The following LRRFIP1 variants were observed in gnomAD, a reference collection of about 807,000 sequenced individuals.
LRRFIP1 encodes LRR binding FLII interacting protein 1.
A neutral mutation model predicts 104.4 loss-of-function variants in LRRFIP1; 62 were observed. That is an observed-to-expected ratio of 0.59 (90% CI 0.48 to 0.73). The LOEUF (loss-of-function observed/expected upper bound fraction) is 0.73. Among genes scored for constraint, LRRFIP1 ranks in the 30% least tolerant of loss-of-function variants. The pLI, the probability that LRRFIP1 is intolerant of heterozygous loss-of-function variation, is 0.00. For missense variants in LRRFIP1, 796 were observed against 824.5 expected (o/e 0.97, Z 0.42); for synonymous variants, 300 against 299.0 (o/e 1.00, Z -0.03).
chr2:237,734,307 A>G (rs2095156812), intron 9 of LRRFIP1, among the ~76,000 whole-genome samples: 1 of 132,426 alleles, frequency 7.6e-6, no homozygotes, highest in South Asian at 2.4e-4. Context: ...TGGAGACAGA[A>G]TCTCCCTCTG....
chr2:237,627,691 G>A lies in LRRFIP1; in HGVS notation c.47G>A (p.Arg16Gln). 2 of 1,371,324 alleles carry A rather than the reference G, an allele frequency of 1.5e-6. No individual in the cohort carries two copies. The highest frequency in any genetic ancestry group is 1.5e-5 in the African/African-American group (1 of 66,196). The allele number at this position is 1,371,324 out of a possible 1,614,324, so 84.9% of individuals were successfully genotyped here. A position where few individuals can be genotyped will look rare whatever the true frequency, so the allele number is the denominator to read the frequency against. The change falls in exon 1 of 24, where the codon CGG becomes CAG. Residue 16 changes from arginine to glutamine, a missense_variant. Arg to Gln is a conservative substitution (Grantham distance 43). Transcript: ENST00000308482. ...TCGGGGCGCAAGCGGCTCCCCAACC[G>A]GGAGCGGCTCACGGCGGAGGACGAC... ...QGSGRKRLPNRERLTAEDDAL... is the reference protein window; with the variant it reads ...QGSGRKRLPNQERLTAEDDAL...
chr2:237,768,998 G>T (rs934159564), intron 19 of LRRFIP1: 1 of 152,288 alleles, frequency 6.6e-6, no homozygotes, highest in Non-Finnish European at 1.5e-5. Context: ...TCCCGTGGCT[G>T]GGCCGCAAGG....
intron 6 of LRRFIP1, 182 bp downstream of exon 6, chr2:237,721,004 A>G (rs1399783246): frequency 3.5e-6 from 2 of 579,554 alleles, no homozygotes; most frequent in Non-Finnish European, 6.3e-6. Context: ...CTGTAGAGAG[A>G]TGATTTATAT....
chr2:237,713,429 G>A (rs367819517), intron 2 of LRRFIP1, among the ~76,000 whole-genome samples: 1 of 152,332 alleles, frequency 6.6e-6, no homozygotes, highest in East Asian at 1.9e-4. Flanking sequence ...AACCTACACT[G>A]ATAGAAGAAA....
chr2:237,746,961 G>A (rs1027628162), intron 11 of LRRFIP1, among the ~76,000 whole-genome samples: 1 of 152,262 alleles, frequency 6.6e-6, no homozygotes, highest in Non-Finnish European at 1.5e-5. Context: ...CCTGAGGGAT[G>A]TGGCCTCTCT....
chr2:237,637,021 A>G (rs2083213468), intron 1 of LRRFIP1, among the ~76,000 whole-genome samples: 1 of 152,204 alleles, frequency 6.6e-6, no homozygotes, highest in East Asian at 1.9e-4. Flanking sequence ...GACATACACC[A>G]GGGAAGAACG....
At chr2:237,684,272 GAC>G (rs2092140911) in intron 1 of LRRFIP1, 2 of 148,796 alleles carry the variant, frequency 1.3e-5, no homozygotes, top group Non-Finnish European at 3.0e-5. Context: ...AGGAATTCAA[GAC>G]CAGCCTGGCC....
At chr2:237,762,080 A>G (rs980617537) in intron 19 of LRRFIP1, among the ~76,000 whole-genome samples, 75 of 152,356 alleles carry the variant, frequency 4.9e-4, no homozygotes, top group African/African-American at 1.7e-3. Context: ...TTTCAAAAGC[A>G]TCTTCCTTGA....
intron 1 of LRRFIP1, among the ~76,000 whole-genome samples, chr2:237,628,995 A>G (rs1163729338): frequency 1.3e-5 from 2 of 152,170 alleles, no homozygotes; most frequent in Non-Finnish European, 2.9e-5. Flanking sequence ...CAGCCCTCTC[A>G]CATCGCACCA....
intron 19 of LRRFIP1, 28 bp from the exon 20 acceptor site, chr2:237,769,915 T>C (rs2060478951): frequency 6.4e-7 from 1 of 1,574,162 alleles, no homozygotes; most frequent in African/African-American, 1.3e-5. Context: ...CGGATTCACC[T>C]AAACCTGTGT....
chr2:237,748,467 G>C, intron 12 of LRRFIP1, 68 bp downstream of exon 12: 2 of 1,421,460 alleles, frequency 1.4e-6, no homozygotes, highest in Non-Finnish European at 1.9e-6. Context: ...AAAATATGTT[G>C]CTTGGTTTTT....
At chr2:237,773,748 TC>T (rs1317657027) in intron 22 of LRRFIP1, 1 of 152,418 alleles carries the variant, frequency 6.6e-6, no homozygotes, top group African/African-American at 2.4e-5. Context: ...CAGGACTGTT[TC>T]CCCCTCCATT....
chr2:237,750,767 C>T (rs1191357021), intron 13 of LRRFIP1, among the ~76,000 whole-genome samples: 1 of 152,108 alleles, frequency 6.6e-6, no homozygotes, highest in Non-Finnish European at 1.5e-5. Context: ...ATGCTGTCCC[C>T]GGCACCAGGA....
intron 1 of LRRFIP1, among the ~76,000 whole-genome samples, chr2:237,706,699 C>T (rs1424574875): frequency 6.6e-6 from 1 of 152,236 alleles, no homozygotes; most frequent in Non-Finnish European, 1.5e-5. Flanking sequence ...ACAATCACAG[C>T]TCACTACAGC....
chr2:237,692,539 C>T (rs2092879385), intron 1 of LRRFIP1: 1 of 1,502,148 alleles, frequency 6.7e-7, no homozygotes, highest in Admixed American at 2.2e-5. Flanking sequence ...GAAAGCGCTT[C>T]CGAAACTTTC....
chr2:237,668,396 C>T (rs992042913), intron 1 of LRRFIP1, among the ~76,000 whole-genome samples: 1 of 152,172 alleles, frequency 6.6e-6, no homozygotes. Context: ...TAAAGTCTGC[C>T]TTACCATCTT....
intron 1 of LRRFIP1, among the ~76,000 whole-genome samples, chr2:237,650,041 G>A (rs1050062064): frequency 1.3e-5 from 2 of 152,004 alleles, no homozygotes; most frequent in Non-Finnish European, 2.9e-5. Flanking sequence ...AAGTCCCCAC[G>A]CTCTGTGACC....
chr2:237,708,434 A>G (rs568957587), intron 1 of LRRFIP1, 110 bp from the exon 2 acceptor site: 2 of 734,756 alleles, frequency 2.7e-6, no homozygotes, highest in East Asian at 2.7e-5. Context: ...TTATTGCTGT[A>G]TATCTGTTAA....
chr2:237,694,144 T>C (rs955631450), intron 1 of LRRFIP1, among the ~76,000 whole-genome samples: 7 of 152,216 alleles, frequency 4.6e-5, no homozygotes, highest in African/African-American at 2.4e-5. Context: ...TCTTCACTGA[T>C]CCCTCTGAGT....
Sources: gnomAD v4.1 joint callset for allele counts (sites outside exome capture counted in the v4.1 genomes callset) on GRCh38, gnomAD v4.1.1 for gene constraint, MANE v1.5 for transcripts, NCBI Gene and HGNC (gene_info 2026-07-23, HGNC 2026-07-21) for gene names.